The following STK32B variants were observed in gnomAD, a reference collection of about 807,000 sequenced individuals.
The protein encoded by STK32B is serine/threonine-protein kinase 32B.
A neutral mutation model predicts 52.6 loss-of-function variants in STK32B; 43 were observed. The ratio of observed to expected loss-of-function variants is 0.82; its 90% CI spans 0.64 to 1.05. STK32B has a LOEUF of 1.05. Ranked by LOEUF, STK32B falls within the 50% of genes least tolerant of loss-of-function variation. The pLI is 0.00. For synonymous variants in STK32B, 238 were observed against 204.3 expected, an observed-to-expected ratio of 1.17 and a Z score of -1.41; for missense variants, 621 against 534.6, an observed-to-expected ratio of 1.16 and a Z score of -1.59.
chr4:5,315,994 C>T (rs188000257), intron 3 of STK32B, among the ~76,000 whole-genome samples: 1,719 of 149,322 alleles, frequency 0.012, 19 homozygotes, highest in South Asian at 0.056. Flanking sequence ...TGTGAGCCAC[C>T]GGGACTGGCC....
intron 3 of STK32B, among the ~76,000 whole-genome samples, chr4:5,280,740 C>G (rs1728137907): frequency 6.6e-6 from 1 of 151,634 alleles, no homozygotes; most frequent in South Asian, 2.1e-4. Context: ...ACTAAAAACA[C>G]ACAAAAAAAT....
At chr4:5,082,255 A>C (rs1467476911) in intron 1 of STK32B, among the ~76,000 whole-genome samples, 1 of 152,134 alleles carries the variant, frequency 6.6e-6, no homozygotes, top group Non-Finnish European at 1.5e-5. Context: ...GACTTTTCCC[A>C]ATCCTACAGA....
the STK32B span, among the ~76,000 whole-genome samples, chr4:5,045,757 G>C: frequency 1.3e-5 from 2 of 152,242 alleles, no homozygotes; most frequent in South Asian, 4.1e-4. Flanking sequence ...CATTGATTTT[G>C]TATCCCGAGA....
rs1730984182 is a variant in STK32B at position 5,317,034 on chromosome 4, T to TC, written c.261-14186_261-14185insC. On this transcript the variant is annotated intron_variant, in intron 3 of 11. Coordinates refer to ENST00000282908, the MANE Select transcript of STK32B (RefSeq NM_018401.3). ...TATATAATATATAATATATATGATA[T>TC]AATATATTATATATATAATATATAT... Among the ~76,000 whole-genome samples the TC allele has an allele frequency of 4.7e-4, 18 of 38,436 alleles. 1 individual carries two copies. In the South Asian group the frequency reaches 0.015, roughly 32 times the overall value. 25.2% of individuals were successfully genotyped at this position (38,436 alleles called of 152,430 possible).
chr4:5,165,919 G>C (rs549448915), intron 2 of STK32B, among the ~76,000 whole-genome samples: 9 of 152,274 alleles, frequency 5.9e-5, no homozygotes, highest in Admixed American at 1.3e-4. Context: ...TCGTCCCTCA[G>C]TGCCGCCTGG....
chr4:5,317,847 AC>A (rs1347863267), intron 3 of STK32B, among the ~76,000 whole-genome samples: 1 of 152,050 alleles, frequency 6.6e-6, no homozygotes, highest in Non-Finnish European at 1.5e-5. Flanking sequence ...TTTGGATAGA[AC>A]TGTGAAAAAT....
At position 5,268,541 on chromosome 4, in the gene STK32B, GTGTGTGT is replaced by G. The variant is rs1560274134; in HGVS notation, c.261-62678_261-62672del. Among the ~76,000 whole-genome samples, 3 of 6,788 alleles carry G rather than the reference GTGTGTGT, an allele frequency of 4.4e-4. No individual in the cohort carries two copies. In the African/African-American group the frequency reaches 5.2e-3, roughly 12 times the overall value. 4.5% of individuals were successfully genotyped at this position (6,788 alleles called of 152,430 possible). On this transcript the variant is annotated intron_variant, in intron 3 of 11. Coordinates refer to ENST00000282908, the MANE Select transcript of STK32B (RefSeq NM_018401.3). The stretch of plus-strand genomic sequence containing the variant: ...ACTATTTGAAGTTGCTTGGTGTGGT[GTGTGTGT>G]GTGTGTGTGTGTGTGTGTGTGTGTG...
intron 3 of STK32B, among the ~76,000 whole-genome samples, chr4:5,172,520 G>C (rs1033134903): frequency 2.6e-5 from 4 of 151,872 alleles, no homozygotes; most frequent in South Asian, 2.1e-4. Context: ...TAGCATGAAG[G>C]GTTGTTGAAT....
chr4:5,302,925 C>G (rs1183186734), intron 3 of STK32B, among the ~76,000 whole-genome samples: 1 of 151,914 alleles, frequency 6.6e-6, no homozygotes, highest in East Asian at 1.9e-4. Flanking sequence ...GCTGCAAATG[C>G]CACTATTCCA....
Position 5,051,710 on chromosome 4 carries a change from C to G in STK32B, c.-154C>G. The G allele has an allele frequency of 1.1e-6, 1 of 911,722 alleles. No individual in the cohort carries two copies. The highest frequency in any genetic ancestry group is 1.6e-6 in the Non-Finnish European group (1 of 628,418). The allele number at this position is 911,722 out of a possible 1,614,324, so 56.5% of individuals were successfully genotyped here. ...TCCAGGAGAAGGGGGACGCCGTCCCCGCCCCTGCACGGTGCTCGGCCCCCT... is the reference window on the plus strand; with the variant it reads ...TCCAGGAGAAGGGGGACGCCGTCCCGGCCCCTGCACGGTGCTCGGCCCCCT... On this transcript the variant is annotated 5_prime_UTR_variant, in exon 1 of 12. Coordinates refer to ENST00000282908, the MANE Select transcript of STK32B (RefSeq NM_018401.3).
chr4:5,487,779 A>G (rs1323808022), intron 11 of STK32B, among the ~76,000 whole-genome samples: 1 of 152,160 alleles, frequency 6.6e-6, no homozygotes, highest in Non-Finnish European at 1.5e-5. Flanking sequence ...ACCTTAGGAT[A>G]AGCTGTTTAC....
At position 5,189,695 on chromosome 4, in the gene STK32B, A is replaced by G. The variant is rs543199035; in HGVS notation, c.260+21245A>G. Among the ~76,000 whole-genome samples the G allele has an allele frequency of 3.3e-4, 51 of 152,282 alleles. 1 individual carries two copies. The highest frequency in any genetic ancestry group is 6.0e-4 in the Non-Finnish European group (41 of 68,038). On this transcript the variant is annotated intron_variant, in intron 3 of 11. Transcript: ENST00000282908. ...CTAAGGAAAATGATTGCTGGATTGT[A>G]TAGTAAGAGTAGGCTTAGTTTGGTA...
intron 3 of STK32B, among the ~76,000 whole-genome samples, chr4:5,292,104 A>C (rs960401018): frequency 5.3e-5 from 8 of 152,288 alleles, no homozygotes; most frequent in Non-Finnish European, 1.0e-4. Flanking sequence ...CAATAAAAAC[A>C]CGAGTGCAGC....
intron 3 of STK32B, among the ~76,000 whole-genome samples, chr4:5,285,165 A>T (rs539411022): frequency 1.6e-4 from 24 of 152,164 alleles, no homozygotes; most frequent in South Asian, 4.1e-4. Flanking sequence ...TACATACAAA[A>T]TATGTGTTAA....
At chr4:5,019,498 G>T in the STK32B span, 2 of 1,420,068 alleles carry the variant, frequency 1.4e-6, no homozygotes, top group Non-Finnish European at 1.8e-6. Context: ...CAGGCTGGGG[G>T]TGGTCCAGGG....
At chr4:5,282,577 A>T (rs1241152306) in intron 3 of STK32B, among the ~76,000 whole-genome samples, 1 of 152,134 alleles carries the variant, frequency 6.6e-6, no homozygotes, top group African/African-American at 2.4e-5. Context: ...ATGTGAGATG[A>T]TACAAAGTTT....
intron 6 of STK32B, among the ~76,000 whole-genome samples, chr4:5,420,589 C>T (rs1327187492): frequency 6.6e-6 from 1 of 152,092 alleles, no homozygotes; most frequent in Non-Finnish European, 1.5e-5. Context: ...GAGAACCTGC[C>T]AGCACTGAGA....
intron 3 of STK32B, among the ~76,000 whole-genome samples, chr4:5,220,760 G>C (rs1021690304): frequency 2.6e-5 from 4 of 152,294 alleles, no homozygotes; most frequent in African/African-American, 9.6e-5. Flanking sequence ...GCACAGAATT[G>C]AGTGGAGGCA....
chr4:5,144,898 G>GCCTTT (rs1716792091), intron 2 of STK32B, among the ~76,000 whole-genome samples: 2 of 152,166 alleles, frequency 1.3e-5, no homozygotes, highest in Non-Finnish European at 2.9e-5. Context: ...AAGTAAACCA[G>GCCTTT]ATATGGTGCC....
Sources: allele counts gnomAD v4.1 joint callset (sites outside exome capture counted in the v4.1 genomes callset), GRCh38; gene constraint gnomAD v4.1.1; transcripts MANE v1.5; gene names NCBI Gene and HGNC (gene_info 2026-07-23, HGNC 2026-07-21).